Variants in FSIP2 observed in about 807,000 individuals in gnomAD.
FSIP2 encodes fibrous sheath interacting protein 2.
In FSIP2, 367 loss-of-function variants were observed where a neutral mutation model predicts 510.5. The ratio of observed to expected loss-of-function variants is 0.72; its 90% confidence interval spans 0.66 to 0.78. The LOEUF (loss-of-function observed/expected upper bound fraction) is 0.78. Among genes scored for constraint, FSIP2 ranks in the 30% least tolerant of loss-of-function variants. The pLI is 0.00. For missense variants in FSIP2, 7,594 were observed against 7,901.7 expected, an observed-to-expected ratio of 0.96 and a Z score of 1.48; for synonymous variants, 2,601 against 2,732.2, an observed-to-expected ratio of 0.95 and a Z score of 1.50.
In FSIP2 at chr2:185,806,214, A is replaced by T. The variant is rs771175882; in HGVS notation, c.16908A>T (p.Arg5636Ser). Residue 5636 changes from arginine (R) to serine (S), a missense_variant, in exon 17 of 23, where the codon AGA becomes AGT. Coordinates refer to ENST00000424728, the MANE Select transcript of FSIP2 (RefSeq NM_173651.4). ...AGTTATCCTCCTTGAAGTCCAAGAG[A>T]AATCTAGGGACTACAACAGATACTT... The part of the protein sequence containing the change: ...LFQLSSLKSK[R>S]NLGTTTDTLE... 2.1e-5 allele frequency: 34 copies of T among 1,604,588 alleles called. No individual in the cohort carries two copies. The highest frequency in any genetic ancestry group is 2.9e-5 in the Non-Finnish European group (34 of 1,176,312).
Position 185,790,643 on chromosome 2 carries a change from A to C in FSIP2, c.3507A>C (p.Glu1169Asp). The change falls in exon 16 of 23, where the codon GAA (glutamate) becomes GAC (aspartate). Residue 1169 changes from glutamate to aspartate, a missense_variant. Coordinates refer to ENST00000424728, the MANE Select transcript of FSIP2 (RefSeq NM_173651.4). ...SVSEISTVAQ[E>D]ITDSVLNILH... ...CAGAAATCAGTACAGTGGCTCAAGAAATAACAGATTCTGTGTTAAACATAC... is the reference window on the plus strand; with the variant it reads ...CAGAAATCAGTACAGTGGCTCAAGACATAACAGATTCTGTGTTAAACATAC... 6.5e-7 allele frequency: 1 copy of C among 1,534,022 alleles called. No individual in the cohort carries two copies. The highest frequency in any genetic ancestry group is 8.7e-7 in the Non-Finnish European group (1 of 1,145,412).
At position 185,797,347 on chromosome 2, in the gene FSIP2, G is replaced by A. The variant is rs564239040; in HGVS notation, c.10211G>A (p.Arg3404Gln). ...EEENENLEAS[R>Q]EDSSFLQKLK... ...GAAAATGAAAACCTTGAAGCCAGCCGGGAAGATTCTTCTTTTTTGCAAAAA... is the reference window on the plus strand; with the variant it reads ...GAAAATGAAAACCTTGAAGCCAGCCAGGAAGATTCTTCTTTTTTGCAAAAA... Residue 3404 changes from arginine to glutamine, a missense_variant, in exon 16 of 23, where the codon CGG (arginine) becomes CAG (glutamine). Coordinates refer to ENST00000424728, the MANE Select transcript of FSIP2 (RefSeq NM_173651.4). 1.8e-4 allele frequency: 273 copies of A among 1,527,604 alleles called. 1 individual carries two copies. Among genetic ancestry groups the A allele is most frequent in the Non-Finnish European group, 2.0e-4 (231 of 1,144,538 alleles). 94.6% of individuals were successfully genotyped at this position (1,527,604 alleles called of 1,614,324 possible). A position where few individuals can be genotyped will look rare whatever the true frequency, so the allele number is the denominator to read the frequency against.
Position 185,792,545 on chromosome 2 carries a change from C to G in FSIP2, c.5409C>G (p.Ser1803=). ...LINQLNVLSL[S]HSNFNGMPHN... ...ATCAATTAAATGTCCTTTCTCTCTC[C>G]CACTCTAATTTTAATGGCATGCCTC... Residue 1803 remains serine (S), a synonymous_variant, in exon 16 of 23, where the codon TCC becomes TCG. Coordinates refer to ENST00000424728, the MANE Select transcript of FSIP2 (RefSeq NM_173651.4). The G allele has an allele frequency of 6.5e-7, 1 of 1,530,944 alleles. No homozygotes were observed. 94.8% of individuals were successfully genotyped at this position (1,530,944 alleles called of 1,614,324 possible).
Position 185,796,182 on chromosome 2 carries a change from T to C in FSIP2, c.9046T>C (p.Phe3016Leu), listed in dbSNP as rs1254547672. ...LQFKHISKYE[F>L]SEIVKMPIEN... Reference sequence around the variant, plus strand: ...GTTTAAACATATCTCCAAATATGAGTTTTCTGAAATTGTGAAAATGCCTAT... The same window carrying C: ...GTTTAAACATATCTCCAAATATGAGCTTTCTGAAATTGTGAAAATGCCTAT... Residue 3016 changes from phenylalanine to leucine, a missense_variant, in exon 16 of 23, where the codon TTT becomes CTT. By Grantham distance (22) the Phe-to-Leu change is conservative. Transcript: ENST00000424728. 3 of 1,532,526 alleles carry C rather than the reference T, an allele frequency of 2.0e-6. No homozygotes were observed. The highest frequency in any genetic ancestry group is 2.7e-5 in the African/African-American group (2 of 72,730). The allele number at this position is 1,532,526 out of a possible 1,614,324, so 94.9% of individuals were successfully genotyped here.
At chr2:185,750,834 T>C (rs1424921911) in intron 7 of FSIP2, among the ~76,000 whole-genome samples, 2 of 151,682 alleles carry the variant, frequency 1.3e-5, no homozygotes, top group Admixed American at 1.3e-4. Context: ...TTTAATTTTA[T>C]GTTTGATTCA....
rs975920210 is a variant in FSIP2, at chr2:185,833,219, A to T, written c.20717A>T (p.Glu6906Val). Residue 6906 changes from glutamate (E) to valine (V), a missense_variant, in exon 23 of 23, where the codon GAA becomes GTA. Physicochemically the swap from Glu to Val is moderately radical, Grantham distance 121. Coordinates refer to ENST00000424728, the MANE Select transcript of FSIP2 (RefSeq NM_173651.4). ...SRSSSPAHQD[E>V]H ...TCTTCCTCACCAGCTCACCAGGATGAACACTGAAGCTTTTGTACCTGATAT... is the reference window on the plus strand; with the variant it reads ...TCTTCCTCACCAGCTCACCAGGATGTACACTGAAGCTTTTGTACCTGATAT... The T allele has an allele frequency of 3.7e-6, 6 of 1,606,478 alleles. No individual in the cohort carries two copies. Among genetic ancestry groups the T allele is most frequent in the Non-Finnish European group, 5.1e-6 (6 of 1,176,800 alleles).
chr2:185,782,974 A>G (rs1692886850), intron 14 of FSIP2, among the ~76,000 whole-genome samples: 1 of 152,092 alleles, frequency 6.6e-6, no homozygotes, highest in Non-Finnish European at 1.5e-5. Flanking sequence ...CTTATCTATA[A>G]TCCAGCTATA....
chr2:185,763,333 G>A, intron 12 of FSIP2, 44 bp downstream of exon 12: 4 of 789,238 alleles, frequency 5.1e-6, no homozygotes, highest in Non-Finnish European at 8.6e-6. Context: ...ACAATAAAAG[G>A]GATATGATCT....
chr2:185,764,542 G>A lies in FSIP2; in HGVS notation c.1388G>A (p.Arg463Lys), dbSNP rs1454258431. The change falls in exon 13 of 23, where the codon AGA becomes AAA. Residue 463 changes from arginine (R) to lysine (K), a missense_variant. Physicochemically the swap from Arg to Lys is conservative, Grantham distance 26 (BLOSUM62 2). Coordinates refer to ENST00000424728, the MANE Select transcript of FSIP2 (RefSeq NM_173651.4). ...NADWDGRPTK[R>K]SSYLCESGPQ... ...GATTGGGATGGAAGACCAACCAAGA[G>A]ATCAAGCTATCTCTGCGAATCAGGT... The A allele has an allele frequency of 1.3e-6, 2 of 1,530,280 alleles. No homozygotes were observed. The highest frequency in any genetic ancestry group is 1.2e-5 in the South Asian group (1 of 83,776). 94.8% of individuals were successfully genotyped at this position (1,530,280 alleles called of 1,614,324 possible). A position where few individuals can be genotyped will look rare whatever the true frequency, so the allele number is the denominator to read the frequency against.
chr2:185,780,186 CTTTAT>C (rs1426522399), intron 13 of FSIP2, among the ~76,000 whole-genome samples: 1 of 151,642 alleles, frequency 6.6e-6, no homozygotes, highest in Non-Finnish European at 1.5e-5. Flanking sequence ...AAGATGTTTT[CTTTAT>C]TTTTTCTTTA....
At chr2:185,819,368 G>C (rs1693875536) in intron 19 of FSIP2, among the ~76,000 whole-genome samples, 2 of 151,716 alleles carry the variant, frequency 1.3e-5, no homozygotes, top group Non-Finnish European at 2.9e-5. Context: ...AGTATAAATG[G>C]GTTAAACACT....
rs1336664793 is a variant in FSIP2 at position 185,831,878 on chromosome 2, T to G, written c.20583T>G (p.Ile6861Met). 2 of 1,582,648 alleles carry G rather than the reference T, an allele frequency of 1.3e-6. No individual in the cohort carries two copies. Among genetic ancestry groups the G allele is most frequent in the African/African-American group, 2.7e-5 (2 of 74,190 alleles). Residue 6861 changes from isoleucine to methionine, a missense_variant, in exon 22 of 23, where the codon ATT (isoleucine) becomes ATG (methionine). Physicochemically the swap from Ile to Met is conservative, Grantham distance 10 (BLOSUM62 1). Coordinates refer to ENST00000424728, the MANE Select transcript of FSIP2 (RefSeq NM_173651.4). ...LGSANPSKEV[I>M]SETPKPDVSK... ...GTGCAAATCCCTCAAAGGAAGTCAT[T>G]TCAGGTACAAAATGTACTATTTTAA... is the stretch of plus-strand genomic sequence containing the variant.
chr2:185,780,090 TTTTG>T (rs1692813218), intron 13 of FSIP2, among the ~76,000 whole-genome samples: 1 of 151,860 alleles, frequency 6.6e-6, no homozygotes, highest in Admixed American at 6.6e-5. Context: ...AAAAAAATTG[TTTTG>T]TTTAATTATT....
rs1196553744 is a variant in FSIP2, at chr2:185,761,901, T to C, written c.1195-71T>C. 18 of 790,132 alleles carry C rather than the reference T, an allele frequency of 2.3e-5. No individual in the cohort carries two copies. The Admixed American group carries it at 4.0e-4, about 18-fold the overall frequency. 48.9% of individuals were successfully genotyped at this position (790,132 alleles called of 1,614,324 possible). A position where few individuals can be genotyped will look rare whatever the true frequency, so the allele number is the denominator to read the frequency against. On this transcript the variant is annotated intron_variant, in intron 10 of 22. Transcript: ENST00000424728. ...ACATCTGTATTCATTGGTTAATTGA[T>C]AGAAGGCAGAATCTTTTTTGGAAGT...
In FSIP2 at chr2:185,801,274, T is replaced by A. The variant is rs577822976; in HGVS notation, c.11968T>A (p.Ser3990Thr). 5 of 1,533,936 alleles carry A rather than the reference T, an allele frequency of 3.3e-6. No homozygotes were observed. The African/African-American group carries it at 4.1e-5, about 13-fold the overall frequency. Reference sequence around the variant, plus strand: ...AGAATTGTTTTTTAATCTCTCTATGTCATTGTGGGGCAAAAATAAAAACAT... The same window carrying A: ...AGAATTGTTTTTTAATCTCTCTATGACATTGTGGGGCAAAAATAAAAACAT... ...ISELFFNLSM[S>T]LWGKNKNITV... Residue 3990 changes from serine to threonine, a missense_variant, in exon 17 of 23, where the codon TCA becomes ACA. Physicochemically the swap from Ser to Thr is moderately conservative, Grantham distance 58. Transcript: ENST00000424728.
intron 13 of FSIP2, among the ~76,000 whole-genome samples, chr2:185,779,909 A>G (rs979755965): frequency 1.3e-5 from 2 of 151,086 alleles, no homozygotes; most frequent in Non-Finnish European, 2.9e-5. Context: ...CAAGGGTATG[A>G]GTAAGTTTCA....
chr2:185,779,935 T>G (rs917978587), intron 13 of FSIP2, among the ~76,000 whole-genome samples: 1 of 151,870 alleles, frequency 6.6e-6, no homozygotes, highest in Non-Finnish European at 1.5e-5. Flanking sequence ...CAGTTTTTTT[T>G]TTTTTCTTAG....
At chr2:185,764,254 C>G (rs889665690) in intron 12 of FSIP2, among the ~76,000 whole-genome samples, 1 of 151,640 alleles carries the variant, frequency 6.6e-6, no homozygotes, top group Non-Finnish European at 1.5e-5. Flanking sequence ...ATCCCAAAGT[C>G]TCAGCAAATT....
intron 8 of FSIP2, among the ~76,000 whole-genome samples, chr2:185,755,330 A>T (rs1266444436): frequency 6.6e-6 from 1 of 151,600 alleles, no homozygotes; most frequent in Non-Finnish European, 1.5e-5. Context: ...TGTTTAGTTC[A>T]TTGAGGCAAT....
Sources: allele counts gnomAD v4.1 joint callset (sites outside exome capture counted in the v4.1 genomes callset), GRCh38; gene constraint gnomAD v4.1.1; transcripts MANE v1.5; gene names NCBI Gene and HGNC (gene_info 2026-07-23, HGNC 2026-07-21).